STAC: variants seen among roughly 807,000 people sequenced by gnomAD.
The protein encoded by STAC is SH3 and cysteine rich domain.
A neutral mutation model predicts 48.8 loss-of-function variants in STAC; 43 were observed. That is an observed-to-expected ratio of 0.88 (90% CI 0.69 to 1.14). STAC has a LOEUF of 1.14. Ranked by LOEUF, STAC falls within the 50% of genes most tolerant of loss-of-function variation. The pLI is 0.00. For synonymous variants in STAC, 193 were observed against 179.5 expected, an observed-to-expected ratio of 1.07 and a Z score of -0.60; for missense variants, 497 against 504.0, an observed-to-expected ratio of 0.99 and a Z score of 0.13.
At position 36,527,542 on chromosome 3, in the gene STAC, A is replaced by G. The variant is rs1211924042; in HGVS notation, c.921-1154A>G. 2.6e-5 allele frequency among the ~76,000 whole-genome samples: 4 copies of G among 152,200 alleles called. 1 individual carries two copies. The highest frequency in any genetic ancestry group is 1.5e-5 in the Non-Finnish European group (1 of 68,042). On this transcript the variant is annotated intron_variant, in intron 8 of 10. Coordinates refer to ENST00000273183, the MANE Select transcript of STAC (RefSeq NM_003149.3). ...GATCAGGAAAATAAAATTGAGAAAA[A>G]AATTTAAGAACATAGAGGAAAATAA...
intron 1 of STAC, among the ~76,000 whole-genome samples, chr3:36,412,330 G>C (rs1021589322): frequency 5.3e-5 from 8 of 152,206 alleles, no homozygotes; most frequent in Non-Finnish European, 8.8e-5. Flanking sequence ...CAAAACTCTC[G>C]AGAAATCTAC....
At chr3:36,521,520 T>C (rs1448007268) in intron 8 of STAC, among the ~76,000 whole-genome samples, 1 of 152,070 alleles carries the variant, frequency 6.6e-6, no homozygotes, top group Non-Finnish European at 1.5e-5. Flanking sequence ...TGATACACCT[T>C]TGTGGTCACT....
rs567717611 is a variant in STAC at position 36,472,595 on chromosome 3, T to C, written c.389-10397T>C. On this transcript the variant is annotated intron_variant, in intron 2 of 10. Transcript: ENST00000273183. ...AATGCTTTGCTGCTTAGAAACTTCT[T>C]CCACCAGATACCCTAAATCATCTTT... Among the ~76,000 whole-genome samples, 73 of 152,356 alleles carry C rather than the reference T, an allele frequency of 4.8e-4. No homozygotes were observed. In the Middle Eastern group the frequency reaches 0.01, roughly 21 times the overall value.
At position 36,504,391 on chromosome 3, in the gene STAC, A is replaced by G. The variant is rs2125713042; in HGVS notation, c.767-2A>G. 1.2e-6 allele frequency: 2 copies of G among 1,612,868 alleles called. No individual in the cohort carries two copies. The highest frequency in any genetic ancestry group is 1.7e-6 in the Non-Finnish European group (2 of 1,179,142). On this transcript the variant is annotated splice_acceptor_variant, in intron 6 of 10. Transcript: ENST00000273183. LOFTEE classifies it high-confidence loss of function. ...GCACCTGCTTTCTCTTGTCTCCTTC[A>G]GTGTTTACATATCCAGAAAATGGCA...
chr3:36,519,086 C>T (rs1284210700), intron 8 of STAC, among the ~76,000 whole-genome samples: 2 of 152,148 alleles, frequency 1.3e-5, no homozygotes, highest in Admixed American at 6.5e-5. Flanking sequence ...TGAGCAGTCA[C>T]TCTCTCTCCA....
In STAC at chr3:36,537,895, T is replaced by C. The variant is rs912753010; in HGVS notation, c.1111-8296T>C. 2.6e-5 allele frequency among the ~76,000 whole-genome samples: 4 copies of C among 151,960 alleles called. No individual in the cohort carries two copies. The South Asian group carries it at 8.3e-4, about 32-fold the overall frequency. On this transcript the variant is annotated intron_variant, in intron 10 of 10. Transcript: ENST00000273183. ...AAAAATTATTTAAATTGATGCATAGTTTTATTGCACCTATAGAACCATTTT... is the reference window on the plus strand; with the variant it reads ...AAAAATTATTTAAATTGATGCATAGCTTTATTGCACCTATAGAACCATTTT...
At chr3:36,530,099 T>C (rs1353019864) in intron 10 of STAC, among the ~76,000 whole-genome samples, 1 of 152,090 alleles carries the variant, frequency 6.6e-6, no homozygotes, top group African/African-American at 2.4e-5. Context: ...CAGCCTGGTT[T>C]GTTCTTGATA....
intron 8 of STAC, among the ~76,000 whole-genome samples, chr3:36,522,961 A>G (rs1228447152): frequency 1.3e-5 from 2 of 152,192 alleles, no homozygotes; most frequent in African/African-American, 2.4e-5. Flanking sequence ...AGCTCAGCTC[A>G]TATCATTCAT....
chr3:36,460,199 C>T (rs1235162419), intron 2 of STAC, among the ~76,000 whole-genome samples: 1 of 151,950 alleles, frequency 6.6e-6, no homozygotes, highest in Non-Finnish European at 1.5e-5. Context: ...CAAGCACTTC[C>T]CTCAGCTTGG....
intron 3 of STAC, among the ~76,000 whole-genome samples, chr3:36,483,862 G>A (rs1235644495): frequency 6.6e-6 from 1 of 152,176 alleles, no homozygotes; most frequent in Middle Eastern, 3.2e-3. Flanking sequence ...GAGATTAGAG[G>A]ATCGCTTGAG....
intron 6 of STAC, among the ~76,000 whole-genome samples, chr3:36,494,801 G>A (rs556288009): frequency 1.3e-5 from 2 of 152,188 alleles, no homozygotes; most frequent in African/African-American, 2.4e-5. Context: ...TATTGGCTTC[G>A]AGGGGAACTT....
In STAC at chr3:36,534,649, G is replaced by T. The variant is rs572564600; in HGVS notation, c.1110+5664G>T. ...TTTGTTATGAACACAATGAGAGTTT[G>T]CATTGATACAAGTATGTTTTCTGTT... On this transcript the variant is annotated intron_variant, in intron 10 of 10. Transcript: ENST00000273183. 2.0e-5 allele frequency among the ~76,000 whole-genome samples: 3 copies of T among 151,894 alleles called. No homozygotes were observed. The East Asian group carries it at 5.8e-4, about 29-fold the overall frequency.
At chr3:36,458,096 G>C (rs1296728636) in intron 2 of STAC, among the ~76,000 whole-genome samples, 1 of 152,102 alleles carries the variant, frequency 6.6e-6, no homozygotes, top group Non-Finnish European at 1.5e-5. Context: ...GATGGCCCTG[G>C]GGTCTTCACA....
At chr3:36,441,497 G>A (rs1379430378) in intron 1 of STAC, among the ~76,000 whole-genome samples, 1 of 151,944 alleles carries the variant, frequency 6.6e-6, no homozygotes, top group Non-Finnish European at 1.5e-5. Flanking sequence ...TCATTGTGTT[G>A]TTGGACCCAT....
intron 6 of STAC, among the ~76,000 whole-genome samples, chr3:36,503,211 C>T (rs922841874): frequency 6.6e-6 from 1 of 152,014 alleles, no homozygotes; most frequent in African/African-American, 2.4e-5. Context: ...ATTTAAAGAA[C>T]AAAGCTTTAT....
chr3:36,520,424 C>T (rs77197403), intron 8 of STAC, among the ~76,000 whole-genome samples: 16,992 of 152,132 alleles, frequency 0.11, 1,143 homozygotes, highest in Non-Finnish European at 0.15. Context: ...ACAGAGGTTT[C>T]CCGATTCTGT....
chr3:36,383,890 C>A (rs1699564251), intron 1 of STAC, among the ~76,000 whole-genome samples: 1 of 152,188 alleles, frequency 6.6e-6, no homozygotes, highest in Non-Finnish European at 1.5e-5. Flanking sequence ...ACTGGCAATA[C>A]CCTTACCTAC....
At chr3:36,401,510 C>T (rs193230169) in intron 1 of STAC, among the ~76,000 whole-genome samples, 3 of 152,234 alleles carry the variant, frequency 2.0e-5, no homozygotes, top group East Asian at 1.9e-4. Flanking sequence ...CAAGGAAGCC[C>T]GCACTGGCTG....
At chr3:36,538,686 T>C (rs1186677332) in intron 10 of STAC, among the ~76,000 whole-genome samples, 1 of 152,152 alleles carries the variant, frequency 6.6e-6, no homozygotes, top group East Asian at 1.9e-4. Context: ...TATTATTTTT[T>C]GTTATGTCAG....
Sources: allele counts gnomAD v4.1 joint callset (sites outside exome capture counted in the v4.1 genomes callset), GRCh38; gene constraint gnomAD v4.1.1; transcripts MANE v1.5; gene names NCBI Gene and HGNC (gene_info 2026-07-23, HGNC 2026-07-21).